KLHL7: variants seen among roughly 807,000 people sequenced by gnomAD.
KLHL7 encodes kelch-like protein 7.
Under a neutral mutation model 67.4 loss-of-function variants are expected in KLHL7, and 44 were observed. That is an observed-to-expected ratio of 0.65 (90% CI 0.51 to 0.84). The LOEUF (loss-of-function observed/expected upper bound fraction) is 0.84, where lower values mean the gene tolerates loss of function less well. KLHL7 is among the 40% of genes least tolerant of loss of function. The pLI, the probability that KLHL7 is intolerant of heterozygous loss-of-function variation, is 0.00. For synonymous variants in KLHL7, 252 were observed against 243.3 expected, an observed-to-expected ratio of 1.04 and a Z score of -0.33; for missense variants, 362 against 718.1, an observed-to-expected ratio of 0.50 and a Z score of 5.67.
At chr7:23,162,146 G>A (rs1221709565) in intron 7 of KLHL7, among the ~76,000 whole-genome samples, 1 of 152,180 alleles carries the variant, frequency 6.6e-6, no homozygotes, top group Non-Finnish European at 1.5e-5. Flanking sequence ...TTTCTAGTAG[G>A]CCATGAAAGA....
At chr7:23,112,652 G>GT (rs1782922488) in intron 1 of KLHL7, among the ~76,000 whole-genome samples, 1 of 152,182 alleles carries the variant, frequency 6.6e-6, no homozygotes, top group South Asian at 2.1e-4. Flanking sequence ...TTTGAAGCTG[G>GT]TAAAAGATCA....
chr7:23,154,035 A>G (rs1398946124), intron 7 of KLHL7, among the ~76,000 whole-genome samples: 2 of 152,188 alleles, frequency 1.3e-5, no homozygotes, highest in African/African-American at 2.4e-5. Flanking sequence ...ACATAAGCAA[A>G]TGGTCATGGC....
At chr7:23,124,028 T>C in intron 2 of KLHL7, 149 bp downstream of exon 2, 1 of 639,404 alleles carries the variant, frequency 1.6e-6, no homozygotes, top group East Asian at 2.9e-5. Flanking sequence ...AGTCAGCTGA[T>C]AACCAAAGGA....
chr7:23,169,149 C>A (rs1785084702), intron 9 of KLHL7, among the ~76,000 whole-genome samples: 1 of 151,974 alleles, frequency 6.6e-6, no homozygotes, highest in South Asian at 2.1e-4. Context: ...TAATCCACTA[C>A]TGGGGAGGCT....
chr7:23,154,141 G>T (rs1784624997), intron 7 of KLHL7, among the ~76,000 whole-genome samples: 1 of 152,212 alleles, frequency 6.6e-6, no homozygotes, highest in African/African-American at 2.4e-5. Context: ...ATCACCTGAA[G>T]TCAGGAGTTT....
intron 9 of KLHL7, among the ~76,000 whole-genome samples, chr7:23,171,756 CTGCAG>C (rs1183009217): frequency 5.3e-5 from 8 of 152,262 alleles, no homozygotes; most frequent in Non-Finnish European, 1.0e-4. Flanking sequence ...GTCGCCCAGG[CTGCAG>C]TGCAGTGGCG....
At chr7:23,172,830 A>G (rs1276069303) in intron 9 of KLHL7, 118 bp from the exon 10 acceptor site, 6 of 764,884 alleles carry the variant, frequency 7.8e-6, no homozygotes, top group Non-Finnish European at 1.4e-5. Context: ...TTTTGTGCGT[A>G]TATGTACACA....
intron 4 of KLHL7, among the ~76,000 whole-genome samples, chr7:23,131,522 A>T (rs887911280): frequency 1.3e-5 from 2 of 152,070 alleles, no homozygotes; most frequent in Non-Finnish European, 2.9e-5. Flanking sequence ...GTGGGTACAT[A>T]GTTGGTATAT....
Position 23,143,890 on chromosome 7 carries a change from C to G in KLHL7, c.658C>G (p.Pro220Ala). The change falls in exon 6 of 11, where the codon CCT becomes GCT. Residue 220 changes from proline (P) to alanine (A), a missense_variant. Around this residue, in one of 5 missense-constraint regions of KLHL7, gnomAD observed 155 missense variants for 280.8 expected, o/e 0.55. Coordinates refer to ENST00000339077, the MANE Select transcript of KLHL7 (RefSeq NM_001031710.3). ...AGTCAGGTGGTTGAAATACGATGAA[C>G]CTAATCGCCAGCCATTTATGGTTGA... ...AAVRWLKYDE[P>A]NRQPFMVDIL... is the part of the protein sequence containing the mutation. 6.2e-7 allele frequency: 1 copy of G among 1,614,146 alleles called. No homozygotes were observed. The highest frequency in any genetic ancestry group is 1.1e-5 in the South Asian group (1 of 91,080).
At chr7:23,166,158 AT>A (rs1010043041) in intron 8 of KLHL7, among the ~76,000 whole-genome samples, 2 of 151,892 alleles carry the variant, frequency 1.3e-5, no homozygotes, top group South Asian at 2.1e-4. Flanking sequence ...TTAATGGCCC[AT>A]TTTTTTTATC....
intron 1 of KLHL7, among the ~76,000 whole-genome samples, chr7:23,116,396 ATG>A (rs895184249): frequency 5.9e-5 from 9 of 152,202 alleles, no homozygotes; most frequent in Non-Finnish European, 8.8e-5. Flanking sequence ...CAGCGCAGAC[ATG>A]TTCCTTTCTG....
At position 23,105,980 on chromosome 7, in the gene KLHL7, C is replaced by T; in HGVS notation, c.-47C>T. On this transcript the variant is annotated 5_prime_UTR_variant, in exon 1 of 11. Transcript: ENST00000339077. ...CCCAGTGTGCCCAGAGAGTGCGACC[C>T]CTCGCCCGGCCCGGCGAGCCCCGGG... 2 of 1,593,568 alleles carry T rather than the reference C, an allele frequency of 1.3e-6. No homozygotes were observed. The highest frequency in any genetic ancestry group is 2.7e-5 in the African/African-American group (2 of 74,940).
intron 1 of KLHL7, chr7:23,106,748 C>G: frequency 1.0e-6 from 1 of 987,626 alleles, no homozygotes; most frequent in South Asian, 4.6e-5. Flanking sequence ...TTGTTCTGTC[C>G]TTGGTGTGTG....
intron 1 of KLHL7, among the ~76,000 whole-genome samples, chr7:23,117,261 T>C (rs1250414329): frequency 6.6e-6 from 1 of 152,012 alleles, no homozygotes; most frequent in East Asian, 1.9e-4. Flanking sequence ...CTAATTTTTG[T>C]ATTTTTAGTA....
At chr7:23,116,255 C>A (rs1783083425) in intron 1 of KLHL7, among the ~76,000 whole-genome samples, 1 of 152,256 alleles carries the variant, frequency 6.6e-6, no homozygotes, top group Non-Finnish European at 1.5e-5. Context: ...TTTGTCTCAG[C>A]TGGAGAATGG....
At chr7:23,128,123 ACT>A (rs1231702402) in intron 4 of KLHL7, among the ~76,000 whole-genome samples, 16 of 142,402 alleles carry the variant, frequency 1.1e-4, no homozygotes, top group Admixed American at 2.8e-4. Flanking sequence ...ACAGAGTGAG[ACT>A]CTGTCTCAAG....
Position 23,124,880 on chromosome 7 carries a change from T to C in KLHL7, c.317+99T>C, listed in dbSNP as rs1164736703. The C allele has an allele frequency of 2.6e-6, 3 of 1,134,106 alleles. No homozygotes were observed. The African/African-American group carries it at 4.6e-5, about 18-fold the overall frequency. The allele number at this position is 1,134,106 out of a possible 1,614,324, so 70.3% of individuals were successfully genotyped here. On this transcript the variant is annotated intron_variant, in intron 3 of 10. Transcript: ENST00000339077. Reference sequence around the variant, plus strand: ...TAGTTGCACTACAAATTCTTCAAAATGAAAAACCGCAAGGATGGAAGAGTT... The same window carrying C: ...TAGTTGCACTACAAATTCTTCAAAACGAAAAACCGCAAGGATGGAAGAGTT...
chr7:23,128,422 TAAAAA>T (rs201757686), intron 4 of KLHL7, among the ~76,000 whole-genome samples: 27 of 116,928 alleles, frequency 2.3e-4, no homozygotes, highest in South Asian at 1.4e-3. Flanking sequence ...TCTTTGGGTT[TAAAAA>T]AAAAAAAAAA....
intron 6 of KLHL7, among the ~76,000 whole-genome samples, chr7:23,149,931 A>C (rs1245491901): frequency 6.6e-6 from 1 of 152,218 alleles, no homozygotes; most frequent in East Asian, 1.9e-4. Context: ...TCTCCAAATG[A>C]GTTTTCTTTC....
Sources: gnomAD v4.1 joint callset for allele counts (sites outside exome capture counted in the v4.1 genomes callset) on GRCh38, gnomAD v4.1.1 for gene constraint, gnomAD v4.1.1 regional missense constraint, MANE v1.5 for transcripts, NCBI Gene and HGNC (gene_info 2026-07-23, HGNC 2026-07-21) for gene names.